Variants in TBC1D5 observed in about 807,000 individuals in gnomAD.
TBC1D5 encodes TBC1 domain family member 5.
TBC1D5 carries 75 observed loss-of-function variants against 100.3 expected under a neutral mutation model. That is an observed-to-expected ratio of 0.75 (90% confidence interval 0.62 to 0.91). The LOEUF is 0.91. TBC1D5 is among the 40% of genes least tolerant of loss of function. The pLI is 0.00. For missense variants in TBC1D5, 910 were observed against 942.4 expected (o/e 0.97, Z 0.45); for synonymous variants, 323 against 325.6 (o/e 0.99, Z 0.09).
intron 2 of TBC1D5, among the ~76,000 whole-genome samples, chr3:17,590,748 G>A (rs1419977403): frequency 6.6e-6 from 1 of 152,128 alleles, no homozygotes; most frequent in Admixed American, 6.5e-5. Context: ...AAGGCAAGGT[G>A]GGCATAGCTA....
At chr3:17,732,778 G>A (rs1038115924) in intron 1 of TBC1D5, among the ~76,000 whole-genome samples, 9 of 123,190 alleles carry the variant, frequency 7.3e-5, no homozygotes, top group Non-Finnish European at 1.1e-4. Flanking sequence ...TTCTCTGACC[G>A]TTTGTCTTTA....
intron 18 of TBC1D5, 150 bp from the exon 20 acceptor site, chr3:17,185,358 A>C: frequency 1.9e-6 from 1 of 535,668 alleles, no homozygotes. Flanking sequence ...CAAAATCACA[A>C]CTGCCACCAC....
chr3:17,161,324 C>A, intron 21 of TBC1D5, 68 bp from the exon 23 acceptor site: 2 of 1,510,954 alleles, frequency 1.3e-6, no homozygotes, highest in South Asian at 1.3e-5. Context: ...GTGGAAGGCC[C>A]TGTGAACTGG....
intron 1 of TBC1D5, among the ~76,000 whole-genome samples, chr3:17,659,566 A>T (rs6784025): frequency 0.5 from 75,850 of 151,934 alleles, 20,497 homozygotes; most frequent in East Asian, 0.94. Flanking sequence ...ACAAATTCCA[A>T]ATTAGTGGTA....
chr3:17,172,447 C>T (rs779700168), intron 19 of TBC1D5, among the ~76,000 whole-genome samples: 2 of 152,186 alleles, frequency 1.3e-5, no homozygotes, highest in Non-Finnish European at 2.9e-5. Context: ...ACATTTCCAA[C>T]GTAATACACA....
chr3:17,419,105 C>T (rs1344286291), intron 4 of TBC1D5, among the ~76,000 whole-genome samples: 4 of 152,156 alleles, frequency 2.6e-5, no homozygotes, highest in Non-Finnish European at 5.9e-5. Context: ...TGCACATACG[C>T]TGAAGAAATA....
At chr3:17,365,185 T>C (rs1166735515) in intron 13 of TBC1D5, among the ~76,000 whole-genome samples, 1 of 152,200 alleles carries the variant, frequency 6.6e-6, no homozygotes, top group Non-Finnish European at 1.5e-5. Flanking sequence ...ACTGGTTACA[T>C]TGCTTTCCAG....
chr3:17,362,900 A>T (rs1426317329), intron 13 of TBC1D5, among the ~76,000 whole-genome samples: 1 of 152,222 alleles, frequency 6.6e-6, no homozygotes, highest in African/African-American at 2.4e-5. Context: ...GCAAAACTAC[A>T]GTCCAATGTC....
At chr3:17,574,058 T>C (rs114503795) in intron 2 of TBC1D5, among the ~76,000 whole-genome samples, 2,519 of 152,114 alleles carry the variant, frequency 0.017, 52 homozygotes, top group South Asian at 0.048. Flanking sequence ...ACAAAATAAA[T>C]GTAATTTCTG....
At chr3:17,703,349 A>T (rs1043494707) in intron 1 of TBC1D5, among the ~76,000 whole-genome samples, 1 of 152,120 alleles carries the variant, frequency 6.6e-6, no homozygotes, top group African/African-American at 2.4e-5. Context: ...ATGCATAGAA[A>T]ATGTTCCCAA....
rs67069718 is a variant in TBC1D5, at chr3:17,631,043, C to CAAAA, written c.-100-7134_-100-7131dup. ...TGGACGACTGAGTGAGACTCCGTCT[C>CAAAA]AAAAAAAAAAAAAAAAAAAGTTAGG... On this transcript the variant is annotated intron_variant, in intron 1 of 21. Transcript: ENST00000253692. Among the ~76,000 whole-genome samples the CAAAA allele has an allele frequency of 1.0e-3, 30 of 29,272 alleles. 1 individual carries two copies. Among genetic ancestry groups the CAAAA allele is most frequent in the East Asian group, 1.8e-3 (1 of 564 alleles). 19.2% of individuals were successfully genotyped at this position (29,272 alleles called of 152,430 possible). A position where few individuals can be genotyped will look rare whatever the true frequency, so the allele number is the denominator to read the frequency against.
chr3:17,358,742 G>A (rs1480576376), intron 13 of TBC1D5, among the ~76,000 whole-genome samples: 1 of 152,064 alleles, frequency 6.6e-6, no homozygotes, highest in Non-Finnish European at 1.5e-5. Flanking sequence ...CAAATTCCAT[G>A]TAGTACAATC....
intron 21 of TBC1D5, among the ~76,000 whole-genome samples, chr3:17,162,461 G>A (rs542036035): frequency 6.6e-6 from 1 of 152,332 alleles, no homozygotes; most frequent in South Asian, 2.1e-4. Context: ...AATGGCTCAG[G>A]AACCTTCCAT....
At chr3:17,479,892 T>C (rs1211753367) in intron 3 of TBC1D5, among the ~76,000 whole-genome samples, 2 of 151,964 alleles carry the variant, frequency 1.3e-5, no homozygotes, top group African/African-American at 4.8e-5. Flanking sequence ...TCCTATCAAG[T>C]AGGCAGGGCT....
exon 22 of TBC1D5, chr3:17,160,636 GA>G: frequency 3.8e-6 from 1 of 265,378 alleles, no homozygotes; most frequent in Non-Finnish European, 7.3e-6. Flanking sequence ...GGGGACAGAG[GA>G]AAAGTGATTC....
intron 9 of TBC1D5, among the ~76,000 whole-genome samples, chr3:17,380,089 G>GTA (rs1559760974): frequency 6.7e-6 from 1 of 148,332 alleles, no homozygotes; most frequent in East Asian, 2.0e-4. Flanking sequence ...GTGTGTGTGT[G>GTA]TATACACATC....
At chr3:17,397,467 G>C (rs2093538421) in intron 8 of TBC1D5, among the ~76,000 whole-genome samples, 1 of 152,110 alleles carries the variant, frequency 6.6e-6, no homozygotes, top group East Asian at 1.9e-4. Context: ...AACCTCCTGG[G>C]ATCAAGAGAT....
At chr3:17,670,643 C>A (rs2067835338) in intron 1 of TBC1D5, among the ~76,000 whole-genome samples, 1 of 152,188 alleles carries the variant, frequency 6.6e-6, no homozygotes. Context: ...GCATACTAAT[C>A]ATCTCAGTTG....
chr3:17,482,694 G>A (rs1299836476), intron 3 of TBC1D5, among the ~76,000 whole-genome samples: 1 of 152,092 alleles, frequency 6.6e-6, no homozygotes, highest in Non-Finnish European at 1.5e-5. Flanking sequence ...ATTTATTTTT[G>A]GAGCAAATAT....
Sources: gnomAD v4.1 joint callset for allele counts (sites outside exome capture counted in the v4.1 genomes callset) on GRCh38, gnomAD v4.1.1 for gene constraint, MANE v1.5 for transcripts, NCBI Gene and HGNC (gene_info 2026-07-23, HGNC 2026-07-21) for gene names.